The following RASL12 variants were observed in gnomAD, a reference collection of about 807,000 sequenced individuals.
RASL12 encodes RAS like family 12, also known as ras-like protein family member 12.
RASL12 carries 16 observed loss-of-function variants against 22.9 expected under a neutral mutation model. That is an observed-to-expected ratio of 0.70 (90% CI 0.47 to 1.06). The LOEUF (loss-of-function observed/expected upper bound fraction) is 1.06. Ranked by LOEUF, RASL12 falls within the 50% of genes least tolerant of loss-of-function variation. The probability of loss-of-function intolerance (pLI) is 0.00; values close to 1 mark genes in which losing one functional copy is unlikely to be tolerated. For synonymous variants in RASL12, 159 were observed against 152.2 expected, an observed-to-expected ratio of 1.04 and a Z score of -0.33; for missense variants, 306 against 353.1, an observed-to-expected ratio of 0.87 and a Z score of 1.07.
intron 2 of RASL12, among the ~76,000 whole-genome samples, chr15:65,060,303 T>C (rs11071826): frequency 0.38 from 57,346 of 151,522 alleles, 11,789 homozygotes; most frequent in East Asian, 0.78. Context: ...CCCAGGTGAT[T>C]TTTTTTTTAA....
At chr15:65,062,063 CAAAA>C (rs547999122) in intron 2 of RASL12, among the ~76,000 whole-genome samples, 6 of 77,392 alleles carry the variant, frequency 7.8e-5, no homozygotes, top group Non-Finnish European at 1.1e-4. Context: ...CCTGGGTGAC[CAAAA>C]AAAAAAAAAA....
downstream of RASL12, among the ~76,000 whole-genome samples, chr15:65,051,022 T>G (rs1325032048): frequency 1.3e-5 from 2 of 151,976 alleles, no homozygotes; most frequent in African/African-American, 4.8e-5. Flanking sequence ...TTTTGTATTT[T>G]TAGTAGAGAC....
chr15:65,076,117 C>T (rs1175460642), intron 1 of RASL12, among the ~76,000 whole-genome samples: 2 of 152,244 alleles, frequency 1.3e-5, no homozygotes, highest in Non-Finnish European at 2.9e-5. Flanking sequence ...CTCTACCAAT[C>T]AGCAGGATGT....
chr15:65,054,150 C>G lies in RASL12; in HGVS notation c.*749G>C. ...GCCTGGATCATTAAGCTTGAGGGAGCTGATGCTGAGGTTCTTTGGACAGAG... is the reference window on the plus strand; with the variant it reads ...GCCTGGATCATTAAGCTTGAGGGAGGTGATGCTGAGGTTCTTTGGACAGAG... On this transcript the variant is annotated 3_prime_UTR_variant, in exon 5 of 5. Coordinates refer to ENST00000220062, the MANE Select transcript of RASL12 (RefSeq NM_016563.4). The G allele has an allele frequency of 1.0e-6, 1 of 985,942 alleles. No homozygotes were observed. Among genetic ancestry groups the G allele is most frequent in the South Asian group, 4.7e-5 (1 of 21,282 alleles). 61.1% of individuals were successfully genotyped at this position (985,942 alleles called of 1,614,324 possible). A position where few individuals can be genotyped will look rare whatever the true frequency, so the allele number is the denominator to read the frequency against.
At chr15:65,058,389 C>A (rs771761536) in intron 4 of RASL12, 38 bp downstream of exon 4, 2 of 1,403,042 alleles carry the variant, frequency 1.4e-6, no homozygotes, top group Non-Finnish European at 1.9e-6. Flanking sequence ...GTGAAGAAAG[C>A]GAGCTCTGGA....
rs768588406 is a variant in RASL12, at chr15:65,058,231, T to C, written c.425+196A>G. Among the ~76,000 whole-genome samples the C allele has an allele frequency of 3.9e-5, 6 of 152,202 alleles. No homozygotes were observed. The East Asian group carries it at 9.6e-4, about 24-fold the overall frequency. ...TTGCAGTGAGCCGAGATGGTGCCAT[T>C]GCACTCCAGCCTGGGTGACACAGTG... On this transcript the variant is annotated intron_variant, in intron 4 of 4. Coordinates refer to ENST00000220062, the MANE Select transcript of RASL12 (RefSeq NM_016563.4).
At chr15:65,062,554 G>A (rs80207335) in intron 2 of RASL12, among the ~76,000 whole-genome samples, 2,904 of 152,280 alleles carry the variant, frequency 0.019, 41 homozygotes, top group Middle Eastern at 0.034. Flanking sequence ...AATGAGGATC[G>A]TGATAGGAGC....
At position 65,067,806 on chromosome 15, in the gene RASL12, C is replaced by G. The variant is rs1408961924; in HGVS notation, c.30G>C (p.Ala10=). 1.3e-6 allele frequency: 2 copies of G among 1,575,638 alleles called. No individual in the cohort carries two copies. Among genetic ancestry groups the G allele is most frequent in the Admixed American group, 1.8e-5 (1 of 56,230 alleles). MSSVFGKPR[A]GSGPQSAPLE... ...GGGGCGCGCTCTGAGGCCCGCTGCC[C>G]GCGCGGGGTTTTCCAAACACCGAGG... The change falls in exon 1 of 5, where the codon GCG becomes GCC. Residue 10 remains alanine, a synonymous_variant. Transcript: ENST00000220062.
Position 65,055,158 on chromosome 15 carries a change from C to T in RASL12, c.542G>A (p.Arg181Gln), listed in dbSNP as rs766728217. ...CTTCTCCAGCTCCCGCCGTGCCTCT[C>T]GCACTGCCTCGTGGAAGACATGCTG... ...HVQHVFHEAV[R>Q]EARRELEKSP... The change falls in exon 5 of 5, where the codon CGA (arginine) becomes CAA (glutamine). Residue 181 changes from arginine (R) to glutamine (Q), a missense_variant. Arg to Gln is a conservative substitution (Grantham distance 43). Transcript: ENST00000220062. The T allele has an allele frequency of 4.3e-6, 7 of 1,612,250 alleles. No individual in the cohort carries two copies. The highest frequency in any genetic ancestry group is 2.2e-5 in the South Asian group (2 of 90,900).
upstream of RASL12, among the ~76,000 whole-genome samples, chr15:65,072,507 G>C (rs2086938834): frequency 6.6e-6 from 1 of 152,170 alleles, no homozygotes; most frequent in South Asian, 2.1e-4. Flanking sequence ...CCCTAAGAAG[G>C]CCTGCAGGTA....
At chr15:65,046,476 A>C in the RASL12 span, among the ~76,000 whole-genome samples, 1 of 151,752 alleles carries the variant, frequency 6.6e-6, no homozygotes, top group Admixed American at 6.6e-5. Flanking sequence ...GTCTCAAAAA[A>C]AAGAAAGAAA....
intron 4 of RASL12, 87 bp downstream of exon 4, chr15:65,058,340 C>T (rs971363643): frequency 1.4e-5 from 15 of 1,084,310 alleles, no homozygotes; most frequent in African/African-American, 1.6e-5. Context: ...CTGTTCTTAG[C>T]AGCCCACTAA....
downstream of RASL12, chr15:65,053,071 A>G: frequency 6.2e-7 from 1 of 1,614,202 alleles, no homozygotes; most frequent in Non-Finnish European, 8.5e-7. Context: ...CTTTGCTCTC[A>G]GAAAAGCCAA....
upstream of RASL12, among the ~76,000 whole-genome samples, chr15:65,069,676 GTCCAT>G (rs377641939): frequency 1.1e-3 from 168 of 152,284 alleles, 1 homozygote; most frequent in South Asian, 0.016. Flanking sequence ...CCATCTGACT[GTCCAT>G]AGTTAGAAGG....
At position 65,067,848 on chromosome 15, in the gene RASL12, G is replaced by C; in HGVS notation, c.-13C>G. 1 of 1,507,004 alleles carries C rather than the reference G, an allele frequency of 6.6e-7. No individual in the cohort carries two copies. Among genetic ancestry groups the C allele is most frequent in the Non-Finnish European group, 8.8e-7 (1 of 1,132,866 alleles). 93.4% of individuals were successfully genotyped at this position (1,507,004 alleles called of 1,614,324 possible). A position where few individuals can be genotyped will look rare whatever the true frequency, so the allele number is the denominator to read the frequency against. On this transcript the variant is annotated 5_prime_UTR_variant, in exon 1 of 5. Coordinates refer to ENST00000220062, the MANE Select transcript of RASL12 (RefSeq NM_016563.4). Reference sequence around the variant, plus strand: ...ACACCGAGGACATGGCGACGCCCTGGACGGCCACGCAGGTCTGCGGCCGGT... The same window carrying C: ...ACACCGAGGACATGGCGACGCCCTGCACGGCCACGCAGGTCTGCGGCCGGT...
intron 1 of RASL12, among the ~76,000 whole-genome samples, chr15:65,075,011 G>A (rs555780422): frequency 8.9e-4 from 135 of 152,338 alleles, no homozygotes; most frequent in African/African-American, 3.2e-3. Context: ...TCAGCTTGCA[G>A]GGAGGTGTGG....
At chr15:65,050,631 T>C (rs951702707), downstream of RASL12, among the ~76,000 whole-genome samples, 3 of 152,042 alleles carry the variant, frequency 2.0e-5, no homozygotes, top group African/African-American at 4.8e-5. Context: ...TGCAAATTAT[T>C]TGGGGGAGGA....
downstream of RASL12, among the ~76,000 whole-genome samples, chr15:65,052,019 C>T (rs1186962757): frequency 6.6e-6 from 1 of 152,150 alleles, no homozygotes; most frequent in Non-Finnish European, 1.5e-5. Flanking sequence ...CCGCTGGGTC[C>T]CTCCACTATG....
At chr15:65,073,505 C>A (rs1191125491) in intron 1 of RASL12, among the ~76,000 whole-genome samples, 1 of 152,174 alleles carries the variant, frequency 6.6e-6, no homozygotes, top group Non-Finnish European at 1.5e-5. Context: ...ACTGATCTGA[C>A]AGAAGGCAGC....
Sources: gnomAD v4.1 joint callset for allele counts (sites outside exome capture counted in the v4.1 genomes callset) on GRCh38, gnomAD v4.1.1 for gene constraint, MANE v1.5 for transcripts, NCBI Gene and HGNC (gene_info 2026-07-23, HGNC 2026-07-21) for gene names.